The following CSF2 variants were observed in gnomAD, a reference collection of about 807,000 sequenced individuals.
CSF2 encodes the protein granulocyte-macrophage colony-stimulating factor.
In CSF2, 2 loss-of-function variants were observed where a neutral mutation model predicts 13.5. That is an observed-to-expected ratio of 0.15 (90% CI 0.06 to 0.47). The LOEUF is 0.47. Ranked by LOEUF, CSF2 falls within the 20% of genes least tolerant of loss-of-function variation. The pLI is 0.97. For synonymous variants in CSF2, 66 were observed against 69.2 expected, an observed-to-expected ratio of 0.95 and a Z score of 0.23; for missense variants, 141 against 179.7, an observed-to-expected ratio of 0.78 and a Z score of 1.23.
chr5:132,074,378 G>A (rs1421826132), intron 2 of CSF2, among the ~76,000 whole-genome samples: 3 of 152,212 alleles, frequency 2.0e-5, no homozygotes, highest in African/African-American at 7.2e-5. Context: ...GGGGACAGGT[G>A]GTAAAGTGGG....
At chr5:132,075,085 C>T (rs1324577765) in intron 3 of CSF2, 150 bp downstream of exon 3, 8 of 1,245,504 alleles carry the variant, frequency 6.4e-6, no homozygotes, top group Non-Finnish European at 9.2e-6. Flanking sequence ...AGAGAGGAGG[C>T]AGACAGCCCA....
At position 132,074,088 on chromosome 5, in the gene CSF2, CAGT is replaced by C. The variant is rs1412006620; in HGVS notation, c.170_172del (p.Val57del). 4 of 1,613,870 alleles carry C rather than the reference CAGT, an allele frequency of 2.5e-6. No homozygotes were observed. In the Admixed American group the frequency reaches 6.7e-5, roughly 27 times the overall value. ...CATTTTCCTTTTCTACAGAATGAAA[CAGT>C]AGAAGTCATCTCAGAAATGTTTGAC... On this transcript the variant is annotated inframe_deletion, in exon 2 of 4. Transcript: ENST00000296871.
chr5:132,074,020 A>G (rs1256374891), intron 1 of CSF2, 38 bp downstream of exon 1: 1 of 1,613,764 alleles, frequency 6.2e-7, no homozygotes, highest in Non-Finnish European at 8.5e-7. Flanking sequence ...TAGGCCACCC[A>G]GCTGGCCCCT....
chr5:132,074,978 T>C, intron 3 of CSF2, 43 bp downstream of exon 3: 1 of 1,612,158 alleles, frequency 6.2e-7, no homozygotes, highest in Non-Finnish European at 8.5e-7. Context: ...TGTCTTAATC[T>C]AGGGGGTGGG....
chr5:132,075,717 A>G (rs1223921479), intron 3 of CSF2, 28 bp from the exon 4 acceptor site: 2 of 1,546,062 alleles, frequency 1.3e-6, no homozygotes, highest in Admixed American at 1.7e-5. Context: ...CCTGGACTCA[A>G]GTGTTTTTTA....
At chr5:132,075,695 G>T in intron 3 of CSF2, 50 bp from the exon 4 acceptor site, 1 of 1,393,312 alleles carries the variant, frequency 7.2e-7, no homozygotes, top group Non-Finnish European at 1.0e-6. Flanking sequence ...CTTCCCCCAC[G>T]TTACCCACTT....
chr5:132,073,838 C>T lies in CSF2; in HGVS notation c.15C>T (p.Ser5=). Residue 5 remains serine, a synonymous_variant, in exon 1 of 4, where the codon AGC becomes AGT. Coordinates refer to ENST00000296871, the MANE Select transcript of CSF2 (RefSeq NM_000758.4). MWLQ[S]LLLLGTVACS... ...TTCTCTGGAGGATGTGGCTGCAGAG[C>T]CTGCTGCTCTTGGGCACTGTGGCCT... 1 of 1,612,538 alleles carries T rather than the reference C, an allele frequency of 6.2e-7. No homozygotes were observed. Among genetic ancestry groups the T allele is most frequent in the South Asian group, 1.1e-5 (1 of 91,060 alleles).
intron 3 of CSF2, 39 bp from the exon 4 acceptor site, chr5:132,075,706 G>A: frequency 1.3e-6 from 2 of 1,492,420 alleles, no homozygotes; most frequent in South Asian, 1.1e-5. Flanking sequence ...TTACCCACTT[G>A]CCTGGACTCA....
At chr5:132,075,093 C>G (rs889938430) in intron 3 of CSF2, among the ~76,000 whole-genome samples, 158 bp downstream of exon 3, 3 of 152,206 alleles carry the variant, frequency 2.0e-5, no homozygotes, top group African/African-American at 7.2e-5. Context: ...GGCAGACAGC[C>G]CATTTCATCC....
intron 2 of CSF2, 93 bp from the exon 3 acceptor site, chr5:132,074,717 G>A: frequency 2.5e-6 from 4 of 1,600,102 alleles, no homozygotes; most frequent in Non-Finnish European, 3.4e-6. Flanking sequence ...TACTCCTGGG[G>A]GCTGGGGGCA....
intron 2 of CSF2, among the ~76,000 whole-genome samples, chr5:132,074,359 G>A (rs1179548658): frequency 1.3e-5 from 2 of 152,230 alleles, no homozygotes; most frequent in Non-Finnish European, 2.9e-5. Context: ...CAATGGCCAG[G>A]AGTCACCAGG....
Position 132,074,067 on chromosome 5 carries a change from T to C in CSF2, c.160-14T>C, listed in dbSNP as rs1756669807. ...CCTGTCAGCTTGATAACATGACATT[T>C]TCCTTTTCTACAGAATGAAACAGTA... On this transcript the variant is annotated splice_polypyrimidine_tract_variant and intron_variant, in intron 1 of 3. Coordinates refer to ENST00000296871, the MANE Select transcript of CSF2 (RefSeq NM_000758.4). 1 of 1,613,798 alleles carries C rather than the reference T, an allele frequency of 6.2e-7. No homozygotes were observed. The highest frequency in any genetic ancestry group is 8.5e-7 in the Non-Finnish European group (1 of 1,180,052).
In CSF2 at chr5:132,075,762, C is replaced by A; in HGVS notation, c.345C>A (p.Thr115=). The A allele has an allele frequency of 1.2e-6, 2 of 1,609,290 alleles. No individual in the cohort carries two copies. Among genetic ancestry groups the A allele is most frequent in the Non-Finnish European group, 1.7e-6 (2 of 1,179,632 alleles). Residue 115 remains threonine (T), a synonymous_variant, in exon 4 of 4, where the codon ACC becomes ACA. Coordinates refer to ENST00000296871, the MANE Select transcript of CSF2 (RefSeq NM_000758.4). ...CPPTPETSCA[T]QIITFESFKE... ...TTTTAAAGGAAACTTCCTGTGCAAC[C>A]CAGATTATCACCTTTGAAAGTTTCA...
At position 132,075,830 on chromosome 5, in the gene CSF2, G is replaced by T; in HGVS notation, c.413G>T (p.Cys138Phe). ...KDFLLVIPFD[C>F]WEPVQE ...TTTCTGCTTGTCATCCCCTTTGACT[G>T]CTGGGAGCCAGTCCAGGAGTGAGAC... is the stretch of plus-strand genomic sequence containing the variant. Residue 138 changes from cysteine (C) to phenylalanine (F), a missense_variant, in exon 4 of 4, where the codon TGC becomes TTC. Transcript: ENST00000296871. 1 of 1,610,486 alleles carries T rather than the reference G, an allele frequency of 6.2e-7. No individual in the cohort carries two copies.
chr5:132,075,955 AG>A lies in CSF2; in HGVS notation c.*104del. 9 of 953,700 alleles carry A rather than the reference AG, an allele frequency of 9.4e-6. No individual in the cohort carries two copies. Among genetic ancestry groups the A allele is most frequent in the African/African-American group, 1.6e-5 (1 of 62,376 alleles). The allele number at this position is 953,700 out of a possible 1,614,324, so 59.1% of individuals were successfully genotyped here. ...TTGGAGGGACCAAGGGGTGGGCCAC[AG>A]CCATGGTGGGAGTGGCCTGGACCTG... On this transcript the variant is annotated 3_prime_UTR_variant, in exon 4 of 4. Transcript: ENST00000296871.
In CSF2 at chr5:132,073,981, T is replaced by C. The variant is rs757115989; in HGVS notation, c.158T>C (p.Met53Thr). ...LNLSRDTAAE[M>T]NETVEVISEM... is the part of the protein sequence containing the mutation. ...CTGAGTAGAGACACTGCTGCTGAGATGGTAAGTGAGAGAATGTGGGCCTGT... is the reference window on the plus strand; with the variant it reads ...CTGAGTAGAGACACTGCTGCTGAGACGGTAAGTGAGAGAATGTGGGCCTGT... Residue 53 changes from methionine to threonine, a missense_variant and splice_region_variant, in exon 1 of 4, where the codon ATG becomes ACG. Physicochemically the swap from Met to Thr is moderately conservative, Grantham distance 81. Coordinates refer to ENST00000296871, the MANE Select transcript of CSF2 (RefSeq NM_000758.4). 30 of 1,613,438 alleles carry C rather than the reference T, an allele frequency of 1.9e-5. No individual in the cohort carries two copies. The highest frequency in any genetic ancestry group is 2.4e-5 in the Non-Finnish European group (28 of 1,180,030).
At chr5:132,074,276 C>T (rs1008265525) in intron 2 of CSF2, among the ~76,000 whole-genome samples, 154 bp downstream of exon 2, 2 of 152,224 alleles carry the variant, frequency 1.3e-5, no homozygotes, top group South Asian at 4.1e-4. Context: ...GCTCAAGAGG[C>T]TGCTGGCCGT....
rs1284682442 is a variant in CSF2, at chr5:132,074,812, G to C, written c.204G>C (p.Glu68Asp). The change falls in exon 3 of 4, where the codon GAG (glutamate) becomes GAC (aspartate). Residue 68 changes from glutamate (E) to aspartate (D), a missense_variant and splice_region_variant. Glu to Asp is a conservative substitution (Grantham distance 45). Coordinates refer to ENST00000296871, the MANE Select transcript of CSF2 (RefSeq NM_000758.4). The stretch of plus-strand genomic sequence containing the variant: ...CCGACGAACGACATTTTCCACAGGA[G>C]CCGACCTGCCTACAGACCCGCCTGG... The part of the protein sequence containing the change: ...EVISEMFDLQ[E>D]PTCLQTRLEL... 1 of 1,613,878 alleles carries C rather than the reference G, an allele frequency of 6.2e-7. No homozygotes were observed. Among genetic ancestry groups the C allele is most frequent in the East Asian group, 2.2e-5 (1 of 44,876 alleles).
chr5:132,075,846 G>T lies in CSF2; in HGVS notation c.429G>T (p.Gln143His). 1 of 1,608,280 alleles carries T rather than the reference G, an allele frequency of 6.2e-7. No homozygotes were observed. ...CCTTTGACTGCTGGGAGCCAGTCCA[G>T]GAGTGAGACCGGCCAGATGAGGCTG... ...VIPFDCWEPV[Q>H]E The change falls in exon 4 of 4, where the codon CAG becomes CAT. Residue 143 changes from glutamine to histidine, a missense_variant. Gln to His is a conservative substitution (Grantham distance 24). Coordinates refer to ENST00000296871, the MANE Select transcript of CSF2 (RefSeq NM_000758.4).
Sources: allele counts gnomAD v4.1 joint callset (sites outside exome capture counted in the v4.1 genomes callset), GRCh38; gene constraint gnomAD v4.1.1; transcripts MANE v1.5; gene names NCBI Gene and HGNC (gene_info 2026-07-23, HGNC 2026-07-21).